The following MYO6 variants were observed in gnomAD, a reference collection of about 807,000 sequenced individuals.
MYO6 encodes the protein unconventional myosin-VI.
In MYO6, 74 loss-of-function variants were observed where a neutral mutation model predicts 178.7. That is an observed-to-expected ratio of 0.41 (90% CI 0.34 to 0.50). MYO6 has a LOEUF of 0.50. Among genes scored for constraint, MYO6 ranks in the 20% least tolerant of loss-of-function variants. MYO6 has a pLI of 0.09. For missense variants in MYO6, 1,330 were observed against 1,547.4 expected, an observed-to-expected ratio of 0.86 and a Z score of 2.36; for synonymous variants, 477 against 504.6, an observed-to-expected ratio of 0.95 and a Z score of 0.73.
At chr6:75,790,002 G>C (rs1026250762) in intron 1 of MYO6, among the ~76,000 whole-genome samples, 1 of 152,026 alleles carries the variant, frequency 6.6e-6, no homozygotes, top group African/African-American at 2.4e-5. Flanking sequence ...GTCTTTCTGT[G>C]CCTGGCTTAT....
intron 2 of MYO6, among the ~76,000 whole-genome samples, chr6:75,818,550 G>T (rs1771524608): frequency 2.0e-5 from 3 of 152,046 alleles, no homozygotes; most frequent in Non-Finnish European, 4.4e-5. Context: ...ATTAAATTTT[G>T]TAGGTGTCAT....
At chr6:75,859,606 C>T (rs1240613512) in intron 14 of MYO6, among the ~76,000 whole-genome samples, 1 of 150,738 alleles carries the variant, frequency 6.6e-6, no homozygotes, top group Non-Finnish European at 1.5e-5. Context: ...GGCCTGTTGT[C>T]TCTACTTCTA....
Position 75,909,429 on chromosome 6 carries a change from AG to A in MYO6, c.3412+803del, listed in dbSNP as rs565064585. ...TTTTACAATACTGCAAATATATAAA[AG>A]TGAGAAATATTACCTTGCTTCAGAC... On this transcript the variant is annotated intron_variant, in intron 32 of 34. Coordinates refer to ENST00000369977, the MANE Select transcript of MYO6 (RefSeq NM_004999.4). Among the ~76,000 whole-genome samples, 268 of 152,352 alleles carry A rather than the reference AG, an allele frequency of 1.8e-3. 1 individual carries two copies. The highest frequency in any genetic ancestry group is 3.1e-3 in the Non-Finnish European group (209 of 68,022).
chr6:75,754,327 C>T (rs537284496), intron 1 of MYO6, among the ~76,000 whole-genome samples: 1 of 151,970 alleles, frequency 6.6e-6, no homozygotes, highest in East Asian at 1.9e-4. Flanking sequence ...TCAGACCAGC[C>T]TGGGCAATGT....
Position 75,886,840 on chromosome 6 carries a change from A to G in MYO6, c.2508-4A>G, listed in dbSNP as rs1778473968. On this transcript the variant is annotated splice_polypyrimidine_tract_variant and splice_region_variant and intron_variant, in intron 24 of 34. Coordinates refer to ENST00000369977, the MANE Select transcript of MYO6 (RefSeq NM_004999.4). ...TAAGCTCTAATGAAGTATTATTTTT[A>G]CAGCATTGATGGTCTGGTTAAGGTG... 2 of 1,613,528 alleles carry G rather than the reference A, an allele frequency of 1.2e-6. No individual in the cohort carries two copies. The highest frequency in any genetic ancestry group is 3.3e-4 in the Middle Eastern group (2 of 6,028).
At chr6:75,903,975 C>T (rs1780047785) in intron 30 of MYO6, among the ~76,000 whole-genome samples, 1 of 151,802 alleles carries the variant, frequency 6.6e-6, no homozygotes, top group Non-Finnish European at 1.5e-5. Flanking sequence ...TTTATTTCTC[C>T]TTCACTTATG....
chr6:75,883,516 T>C (rs1464776012), intron 23 of MYO6, among the ~76,000 whole-genome samples: 2 of 152,306 alleles, frequency 1.3e-5, no homozygotes, highest in African/African-American at 4.8e-5. Flanking sequence ...GGATTTTTGA[T>C]GTTAGGGATT....
At chr6:75,759,632 G>T (rs1172044668) in intron 1 of MYO6, among the ~76,000 whole-genome samples, 1 of 151,952 alleles carries the variant, frequency 6.6e-6, no homozygotes, top group Admixed American at 6.5e-5. Context: ...AAGAATTGAG[G>T]ATGTGAAGGA....
chr6:75,812,834 T>C (rs1045213448), intron 1 of MYO6, among the ~76,000 whole-genome samples: 5 of 152,178 alleles, frequency 3.3e-5, no homozygotes, highest in Admixed American at 1.3e-4. Flanking sequence ...CATGTTGTCT[T>C]TATCCATTCT....
At chr6:75,778,603 A>G (rs985222817) in intron 1 of MYO6, among the ~76,000 whole-genome samples, 251 of 152,254 alleles carry the variant, frequency 1.6e-3, no homozygotes, top group Non-Finnish European at 3.2e-3. Flanking sequence ...TCTCAAAAAA[A>G]AAAAAAAATT....
intron 12 of MYO6, among the ~76,000 whole-genome samples, chr6:75,855,520 T>C (rs1389685535): frequency 6.6e-6 from 1 of 152,200 alleles, no homozygotes. Flanking sequence ...TATGAAAATA[T>C]GAGCTGATGG....
intron 26 of MYO6, 29 bp downstream of exon 26, chr6:75,890,294 A>C: frequency 6.2e-7 from 1 of 1,612,798 alleles, no homozygotes; most frequent in East Asian, 2.2e-5. Flanking sequence ...TTTGAATAAG[A>C]GACTTAAAGA....
chr6:75,765,756 A>C (rs982887131), intron 1 of MYO6, among the ~76,000 whole-genome samples: 2 of 152,126 alleles, frequency 1.3e-5, no homozygotes, highest in Non-Finnish European at 2.9e-5. Context: ...GGCTAGGCTC[A>C]GTGATTTATG....
Position 75,841,242 on chromosome 6 carries a change from A to G in MYO6, c.680A>G (p.His227Arg), listed in dbSNP as rs1161276345. ...TCAGTTGTTGGAGGATTTGTTTCAC[A>G]TTATCTCCTAGAGAAATCTAGGATC... ...KSSVVGGFVS[H>R]YLLEKSRICV... Residue 227 changes from histidine (H) to arginine (R), a missense_variant, in exon 9 of 35, where the codon CAT (histidine) becomes CGT (arginine). By Grantham distance (29) the His-to-Arg change is conservative (BLOSUM62 0). Transcript: ENST00000369977. The G allele has an allele frequency of 6.8e-6, 11 of 1,613,910 alleles. No homozygotes were observed. The highest frequency in any genetic ancestry group is 9.3e-6 in the Non-Finnish European group (11 of 1,179,982).
intron 20 of MYO6, among the ~76,000 whole-genome samples, chr6:75,877,311 G>A (rs1486144460): frequency 1.3e-5 from 2 of 150,648 alleles, no homozygotes; most frequent in African/African-American, 4.9e-5. Flanking sequence ...CTGTCGCCCA[G>A]GCTGGAGTGC....
chr6:75,895,510 A>G (rs995250060), intron 29 of MYO6, among the ~76,000 whole-genome samples: 4 of 150,416 alleles, frequency 2.7e-5, no homozygotes, highest in African/African-American at 7.3e-5. Context: ...TTTTATGTAT[A>G]TATATGAATT....
chr6:75,831,763 G>A (rs1279202121), intron 5 of MYO6, among the ~76,000 whole-genome samples: 2 of 151,848 alleles, frequency 1.3e-5, no homozygotes, highest in Non-Finnish European at 2.9e-5. Context: ...GCATGTGCTT[G>A]CCTATAGTCC....
At chr6:75,752,781 C>T (rs1429191553) in intron 1 of MYO6, among the ~76,000 whole-genome samples, 1 of 152,124 alleles carries the variant, frequency 6.6e-6, no homozygotes, top group African/African-American at 2.4e-5. Context: ...TCGTATAGTT[C>T]TAGGACATTA....
At chr6:75,904,561 C>G (rs1780109924) in intron 30 of MYO6, among the ~76,000 whole-genome samples, 1 of 152,190 alleles carries the variant, frequency 6.6e-6, no homozygotes, top group Admixed American at 6.5e-5. Flanking sequence ...GTTCTTGAGC[C>G]TTGATTTTCA....
Sources: allele counts gnomAD v4.1 joint callset (sites outside exome capture counted in the v4.1 genomes callset), GRCh38; gene constraint gnomAD v4.1.1; transcripts MANE v1.5; gene names NCBI Gene and HGNC (gene_info 2026-07-23, HGNC 2026-07-21).